The following CLCN4 variants were observed in gnomAD, a reference collection of about 807,000 sequenced individuals.
CLCN4 encodes Cl-/H+ antiporter 4, also known as H(+)/Cl(-) exchange transporter 4.
CLCN4 carries 1 observed loss-of-function variant against 41.7 expected under a neutral mutation model. That is an observed-to-expected ratio of 0.02 (90% CI 0.01 to 0.11). The LOEUF (loss-of-function observed/expected upper bound fraction) is 0.11, where lower values mean the gene tolerates loss of function less well. Ranked by LOEUF, CLCN4 falls within the 10% of genes least tolerant of loss-of-function variation. CLCN4 has a pLI of 1.00. For synonymous variants in CLCN4, 277 were observed against 285.8 expected (o/e 0.97, Z 0.31); for missense variants, 287 against 661.0 (o/e 0.43, Z 6.20).
Position 10,213,961 on chromosome X carries a change from C to T in CLCN4, c.1857C>T (p.Val619=), listed in dbSNP as rs368976923. The change falls in exon 11 of 13, where the codon GTC becomes GTT. Residue 619 remains valine (V), a synonymous_variant. Transcript: ENST00000380833. ...LSVLTQDSMT[V]EDVETLIKET... is the part of the protein sequence containing the mutation. Reference sequence around the variant, plus strand: ...TGCTCACCCAGGACAGCATGACTGTCGAGGACGTGGAGACGCTCATCAAGG... The same window carrying T: ...TGCTCACCCAGGACAGCATGACTGTTGAGGACGTGGAGACGCTCATCAAGG... 20 of 1,210,624 alleles carry T rather than the reference C, an allele frequency of 1.7e-5. No homozygotes were observed. In the African/African-American group the frequency reaches 3.1e-4, roughly 19 times the overall value.
At position 10,172,187 on chromosome X, in the gene CLCN4, G is replaced by T. The variant is rs1261389173; in HGVS notation, c.-11-12835G>T. Among the ~76,000 whole-genome samples the T allele has an allele frequency of 4.5e-5, 5 of 112,212 alleles. No homozygotes were observed. In the Admixed American group the frequency reaches 4.7e-4, roughly 11 times the overall value. ...CATGCCTTGAAATAATCTCATTCAA[G>T]GGACAAGGGAGTAGGACATTTGAAG... On this transcript the variant is annotated intron_variant, in intron 2 of 12. Transcript: ENST00000380833.
chrX:10,207,868 ATAGT>A (rs751018611), intron 8 of CLCN4, among the ~76,000 whole-genome samples, 173 bp from the exon 9 acceptor site: 4 of 112,134 alleles, frequency 3.6e-5, no homozygotes, highest in Non-Finnish European at 7.5e-5. Context: ...ACTTCTAGAC[ATAGT>A]TAGATTCCTC....
chrX:10,221,415 A>G (rs925458579), intron 12 of CLCN4, among the ~76,000 whole-genome samples: 1 of 111,529 alleles, frequency 9.0e-6, no homozygotes, highest in African/African-American at 3.3e-5. Context: ...TAATCTCAGC[A>G]CTTCGGGAGG....
At chrX:10,210,801 C>T (rs1320215471) in intron 9 of CLCN4, among the ~76,000 whole-genome samples, 1 of 106,481 alleles carries the variant, frequency 9.4e-6, no homozygotes, top group Non-Finnish European at 1.9e-5. Flanking sequence ...ACACGTGCCA[C>T]CATGCCCAGC....
intron 2 of CLCN4, among the ~76,000 whole-genome samples, chrX:10,169,978 G>A (rs1460351720): frequency 9.1e-6 from 1 of 109,321 alleles, no homozygotes; most frequent in African/African-American, 3.3e-5. Flanking sequence ...AGTAGAGATG[G>A]GGTTTCACCA....
intron 2 of CLCN4, among the ~76,000 whole-genome samples, chrX:10,178,606 A>G (rs1417895560): frequency 8.9e-6 from 1 of 111,881 alleles, no homozygotes; most frequent in East Asian, 2.8e-4. Context: ...AAACTAAAAG[A>G]TCCTAGATAA....
intron 4 of CLCN4, among the ~76,000 whole-genome samples, chrX:10,191,733 T>A (rs1355212688): frequency 1.2e-5 from 1 of 84,932 alleles, no homozygotes; most frequent in Non-Finnish European, 2.2e-5. Flanking sequence ...AGAGACAGGA[T>A]CTTGTCATGC....
intron 2 of CLCN4, among the ~76,000 whole-genome samples, chrX:10,169,274 C>T (rs1035346753): frequency 1.8e-5 from 2 of 111,870 alleles, no homozygotes; most frequent in African/African-American, 3.3e-5. Flanking sequence ...AAGCTGTCAC[C>T]TCCTCCACTT....
chrX:10,197,348 G>C (rs1443225005), intron 5 of CLCN4, among the ~76,000 whole-genome samples: 1 of 111,520 alleles, frequency 9.0e-6, no homozygotes. Context: ...TATTGACCTG[G>C]GCCCCAGCCG....
intron 5 of CLCN4, 105 bp downstream of exon 5, chrX:10,195,203 C>A: frequency 1.2e-6 from 1 of 829,694 alleles, no homozygotes; most frequent in Non-Finnish European, 1.7e-6. Flanking sequence ...CCTTCAAGTG[C>A]CTGCTCTGAA....
intron 12 of CLCN4, among the ~76,000 whole-genome samples, chrX:10,232,333 T>C (rs1348882859): frequency 8.9e-6 from 1 of 112,584 alleles, no homozygotes; most frequent in East Asian, 2.8e-4. Context: ...TCATATTCAC[T>C]AAGAGATAAA....
intron 6 of CLCN4, among the ~76,000 whole-genome samples, chrX:10,204,819 G>T (rs1924337088): frequency 9.2e-6 from 1 of 109,250 alleles, no homozygotes; most frequent in Non-Finnish European, 1.9e-5. Context: ...TTGCGGCTGG[G>T]CCTGCGAATT....
At chrX:10,163,493 C>T (rs1332795394) in intron 2 of CLCN4, among the ~76,000 whole-genome samples, 2 of 108,645 alleles carry the variant, frequency 1.8e-5, no homozygotes, top group Non-Finnish European at 3.8e-5. Flanking sequence ...CTGCAACCTT[C>T]ATCTCCCAGG....
At chrX:10,217,299 A>C (rs1008490333) in intron 11 of CLCN4, among the ~76,000 whole-genome samples, 1 of 110,427 alleles carries the variant, frequency 9.1e-6, no homozygotes, top group Non-Finnish European at 1.9e-5. Context: ...ATAGACTATT[A>C]CTTCCCTAAA....
rs764722647 is a variant in CLCN4, at chrX:10,187,721, T to A, written c.244+107T>A. The A allele has an allele frequency of 1.5e-4, 92 of 600,185 alleles. 1 individual carries two copies. The East Asian group carries it at 2.2e-3, about 14-fold the overall frequency. The allele number at this position is 600,185 out of a possible 1,213,427, so 49.5% of individuals were successfully genotyped here. ...AATATAGCGCGTGTCGCTTGTCGCT[T>A]TTACCCCTGTGGGAGGGATTTATTA... On this transcript the variant is annotated intron_variant, in intron 4 of 12. Transcript: ENST00000380833.
chrX:10,213,529 G>T lies in CLCN4; in HGVS notation c.1577-152G>T, dbSNP rs778677780. 5.7e-6 allele frequency: 3 copies of T among 523,685 alleles called. No homozygotes were observed. In the South Asian group the frequency reaches 1.0e-4, roughly 18 times the overall value. The allele number at this position is 523,685 out of a possible 1,213,427, so 43.2% of individuals were successfully genotyped here. ...CCACATTTGACAGGGCCTGGCCTGG[G>T]TTCCAGAGGCCCAGTGTAGGAAGCA... is the stretch of plus-strand genomic sequence containing the variant. On this transcript the variant is annotated intron_variant, in intron 10 of 12. Transcript: ENST00000380833.
At chrX:10,163,706 C>T (rs1373309748) in intron 2 of CLCN4, among the ~76,000 whole-genome samples, 2 of 112,143 alleles carry the variant, frequency 1.8e-5, no homozygotes, top group African/African-American at 6.5e-5. Flanking sequence ...GCTCCCGGCC[C>T]CTTAATTACT....
At chrX:10,180,767 C>CAAAAAAAAAAA (rs869040200) in intron 2 of CLCN4, among the ~76,000 whole-genome samples, 13 of 25,036 alleles carry the variant, frequency 5.2e-4, no homozygotes, top group Admixed American at 1.4e-3. Flanking sequence ...AACTCCATCT[C>CAAAAAAAAAAA]AAAAAAAAAA....
At chrX:10,179,045 A>G (rs1923606139) in intron 2 of CLCN4, among the ~76,000 whole-genome samples, 1 of 111,630 alleles carries the variant, frequency 9.0e-6, no homozygotes, top group African/African-American at 3.3e-5. Context: ...TACCCAGAGG[A>G]TCTGAAGGTT....
Sources: gnomAD v4.1 joint callset for allele counts (sites outside exome capture counted in the v4.1 genomes callset) on GRCh38, gnomAD v4.1.1 for gene constraint, MANE v1.5 for transcripts, NCBI Gene and HGNC (gene_info 2026-07-23, HGNC 2026-07-21) for gene names.